TM9SF3: variants seen among roughly 807,000 people sequenced by gnomAD.
TM9SF3 encodes the protein transmembrane 9 superfamily member 3.
A neutral mutation model predicts 78.6 loss-of-function variants in TM9SF3; 14 were observed. The ratio of observed to expected loss-of-function variants is 0.18; its 90% CI spans 0.12 to 0.28. TM9SF3 has a LOEUF of 0.28. TM9SF3 is among the 10% of genes least tolerant of loss of function. The pLI, the probability that TM9SF3 is intolerant of heterozygous loss-of-function variation, is 1.00. For synonymous variants in TM9SF3, 231 were observed against 241.7 expected (o/e 0.96, Z 0.41); for missense variants, 496 against 721.9 (o/e 0.69, Z 3.59).
In TM9SF3 at chr10:96,522,255, T is replaced by G; in HGVS notation, c.*8A>C. 1 of 1,596,716 alleles carries G rather than the reference T, an allele frequency of 6.3e-7. No homozygotes were observed. The highest frequency in any genetic ancestry group is 8.5e-7 in the Non-Finnish European group (1 of 1,173,328). ...AATTGATCCAAAGTTCCAGGTTTTCTTGGGTCTCTAGTCAATTTTCACATT... is the reference window on the plus strand; with the variant it reads ...AATTGATCCAAAGTTCCAGGTTTTCGTGGGTCTCTAGTCAATTTTCACATT... On this transcript the variant is annotated 3_prime_UTR_variant, in exon 15 of 15. Transcript: ENST00000371142.
At chr10:96,537,959 AT>A (rs1589449218) in intron 9 of TM9SF3, among the ~76,000 whole-genome samples, 1 of 152,212 alleles carries the variant, frequency 6.6e-6, no homozygotes, top group Admixed American at 6.5e-5. Flanking sequence ...TAAGATGTCA[AT>A]TTTTCCCAAA....
intron 1 of TM9SF3, chr10:96,577,513 T>C (rs1257097782): frequency 6.6e-6 from 1 of 152,332 alleles, no homozygotes; most frequent in Non-Finnish European, 1.5e-5. Context: ...GTAATGACTT[T>C]GAGTAGTTCC....
In TM9SF3 at chr10:96,518,972, CG is replaced by C. The variant is rs1847727484; in HGVS notation, c.*3290del. On this transcript the variant is annotated 3_prime_UTR_variant, in exon 15 of 15. Transcript: ENST00000371142. Reference sequence around the variant, plus strand: ...ACCAATAGAATGAAGCACTAAGACACGGTGAAATCTAAACTTAAAACCCAGA... The same window carrying C: ...ACCAATAGAATGAAGCACTAAGACACGTGAAATCTAAACTTAAAACCCAGA... The C allele has an allele frequency of 6.6e-6, 1 of 151,988 alleles. No homozygotes were observed. Among genetic ancestry groups the C allele is most frequent in the Non-Finnish European group, 1.5e-5 (1 of 67,936 alleles). 9.4% of individuals were successfully genotyped at this position (151,988 alleles called of 1,614,324 possible).
At position 96,533,164 on chromosome 10, in the gene TM9SF3, A is replaced by G. The variant is rs1847917283; in HGVS notation, c.1212T>C (p.Phe404=). The G allele has an allele frequency of 2.5e-6, 4 of 1,613,638 alleles. No homozygotes were observed. The highest frequency in any genetic ancestry group is 3.4e-6 in the Non-Finnish European group (4 of 1,179,768). Reference sequence around the variant, plus strand: ...CAACAAGATTTAGAGGAAGAATAACAAAAAAACAGATGCAACAAACGGCCA... The same window carrying G: ...CAACAAGATTTAGAGGAAGAATAACGAAAAAACAGATGCAACAAACGGCCA... The part of the protein sequence containing the change: ...TMVAVCCICF[F]VILPLNLVGT... The change falls in exon 10 of 15, where the codon TTT becomes TTC. Residue 404 remains phenylalanine, a synonymous_variant. Coordinates refer to ENST00000371142, the MANE Select transcript of TM9SF3 (RefSeq NM_020123.4).
chr10:96,586,071 G>C (rs1199041646), intron 1 of TM9SF3, among the ~76,000 whole-genome samples: 1 of 152,210 alleles, frequency 6.6e-6, no homozygotes, highest in African/African-American at 2.4e-5. Context: ...ATCGGGATGG[G>C]GGTCTCACTT....
chr10:96,536,747 G>A (rs887827387), intron 9 of TM9SF3, among the ~76,000 whole-genome samples: 2 of 151,986 alleles, frequency 1.3e-5, no homozygotes, highest in African/African-American at 4.8e-5. Flanking sequence ...TATGATCCAC[G>A]TCTACTTAAA....
chr10:96,576,929 T>TAG (rs1848503866), intron 1 of TM9SF3, 100 bp from the exon 2 acceptor site: 2 of 879,836 alleles, frequency 2.3e-6, no homozygotes, highest in South Asian at 5.6e-5. Context: ...GCATCATCTC[T>TAG]GTTCAGGAAG....
chr10:96,529,769 G>A (rs181984148), intron 11 of TM9SF3, among the ~76,000 whole-genome samples: 142 of 151,996 alleles, frequency 9.3e-4, no homozygotes, highest in African/African-American at 3.3e-3. Context: ...ATCCAATTAC[G>A]TCCGTTAAGG....
chr10:96,545,110 A>T (rs960084051), intron 8 of TM9SF3, among the ~76,000 whole-genome samples: 4 of 152,198 alleles, frequency 2.6e-5, no homozygotes, highest in African/African-American at 9.6e-5. Context: ...TAACTATGTA[A>T]TAAAAAAATC....
intron 14 of TM9SF3, among the ~76,000 whole-genome samples, chr10:96,526,080 A>C (rs575076179): frequency 2.6e-5 from 4 of 152,044 alleles, no homozygotes; most frequent in Non-Finnish European, 5.9e-5. Flanking sequence ...ACATTTAATC[A>C]CTGAATCCTC....
At chr10:96,560,367 A>G in intron 4 of TM9SF3, 3 of 739,070 alleles carry the variant, frequency 4.1e-6, no homozygotes, top group Admixed American at 3.4e-5. Flanking sequence ...ATATTGTTGA[A>G]GCAGAGGCAA....
At chr10:96,570,768 G>A (rs1336447052) in intron 2 of TM9SF3, among the ~76,000 whole-genome samples, 1 of 152,112 alleles carries the variant, frequency 6.6e-6, no homozygotes, top group East Asian at 1.9e-4. Flanking sequence ...AAATTGAGAT[G>A]GAGTTTTGCT....
At chr10:96,562,938 T>A (rs7082873) in intron 3 of TM9SF3, among the ~76,000 whole-genome samples, 1 of 152,052 alleles carries the variant, frequency 6.6e-6, no homozygotes, top group African/African-American at 2.4e-5. Context: ...CCCCCTACGC[T>A]TTAGTAAGTA....
At chr10:96,558,629 G>C (rs1172697676) in intron 5 of TM9SF3, among the ~76,000 whole-genome samples, 1 of 149,748 alleles carries the variant, frequency 6.7e-6, no homozygotes, top group South Asian at 2.1e-4. Context: ...CCAGGGGACA[G>C]AGCAAGGCTC....
In TM9SF3 at chr10:96,522,745, A is replaced by G. The variant is rs546668494; in HGVS notation, c.1703-415T>C. 2.6e-4 allele frequency among the ~76,000 whole-genome samples: 40 copies of G among 152,058 alleles called. 1 individual carries two copies. Among genetic ancestry groups the G allele is most frequent in the African/African-American group, 9.4e-4 (39 of 41,554 alleles). ...CAAAATCCAATAGATAAATAGTTAG[A>G]AGTGACTGAAAATTCTCTTAAGGAA... On this transcript the variant is annotated intron_variant, in intron 14 of 14. Transcript: ENST00000371142.
chr10:96,537,159 T>C (rs1847969312), intron 9 of TM9SF3, among the ~76,000 whole-genome samples: 1 of 152,228 alleles, frequency 6.6e-6, no homozygotes, highest in Non-Finnish European at 1.5e-5. Flanking sequence ...CCTCATATTG[T>C]TCAAAAGTCA....
intron 5 of TM9SF3, among the ~76,000 whole-genome samples, chr10:96,558,706 G>C (rs1038151741): frequency 6.6e-6 from 1 of 151,692 alleles, no homozygotes; most frequent in Non-Finnish European, 1.5e-5. Context: ...TGACCCCTGA[G>C]TAAGATCAGA....
At chr10:96,537,700 C>T (rs545562796) in intron 9 of TM9SF3, among the ~76,000 whole-genome samples, 12 of 152,194 alleles carry the variant, frequency 7.9e-5, no homozygotes, top group African/African-American at 2.2e-4. Context: ...GGCGTGGTGA[C>T]GTGCACCTGT....
chr10:96,560,280 G>C, intron 4 of TM9SF3: 1 of 766,646 alleles, frequency 1.3e-6, no homozygotes, highest in Non-Finnish European at 2.3e-6. Flanking sequence ...ATCACTTTAA[G>C]GTGGATAATG....
Sources: allele counts gnomAD v4.1 joint callset (sites outside exome capture counted in the v4.1 genomes callset), GRCh38; gene constraint gnomAD v4.1.1; transcripts MANE v1.5; gene names NCBI Gene and HGNC (gene_info 2026-07-23, HGNC 2026-07-21).